The following TAF8 variants were observed in gnomAD, a reference collection of about 807,000 sequenced individuals.
TAF8 encodes the protein TATA-box binding protein associated factor 8, also known as transcription initiation factor TFIID subunit 8.
Under a neutral mutation model 36.5 loss-of-function variants are expected in TAF8, and 47 were observed. That is an observed-to-expected ratio of 1.29 (90% CI 1.02 to 1.64). The LOEUF (loss-of-function observed/expected upper bound fraction) is 1.64, where lower values mean the gene tolerates loss of function less well. TAF8 is among the 40% of genes most tolerant of loss of function. The pLI, the probability that TAF8 is intolerant of heterozygous loss-of-function variation, is 0.00. For missense variants in TAF8, 420 were observed against 407.6 expected, an observed-to-expected ratio of 1.03 and a Z score of -0.26; for synonymous variants, 175 against 159.5, an observed-to-expected ratio of 1.10 and a Z score of -0.73.
intron 7 of TAF8, among the ~76,000 whole-genome samples, chr6:42,071,626 G>A (rs142616248): frequency 0.012 from 1,803 of 151,640 alleles, 40 homozygotes; most frequent in African/African-American, 0.039. Flanking sequence ...ACCCGGCCTG[G>A]ATATACTTTT....
Position 42,082,432 on chromosome 6 carries a change from G to A in TAF8, c.*4887G>A, listed in dbSNP as rs6919008. On this transcript the variant is annotated 3_prime_UTR_variant, in exon 9 of 9. Coordinates refer to ENST00000372977, the MANE Select transcript of TAF8 (RefSeq NM_138572.3). ...GCTCACTGCAACTCCTCCACCTCCC[G>A]GGTTCAAGAGATTCTCCTGCCTCAG... 58,355 of 152,174 alleles carry A rather than the reference G, an allele frequency of 0.38. 12,913 individuals carry two copies. Among genetic ancestry groups the A allele is most frequent in the Admixed American group, 0.48 (7,263 of 15,258 alleles). The allele number at this position is 152,174 out of a possible 1,614,324, so 9.4% of individuals were successfully genotyped here.
At chr6:42,072,015 G>A (rs1765596098) in intron 7 of TAF8, among the ~76,000 whole-genome samples, 1 of 152,192 alleles carries the variant, frequency 6.6e-6, no homozygotes, top group Non-Finnish European at 1.5e-5. Context: ...AGTCAGACTT[G>A]CCTAGCTTCA....
rs1219862454 is a variant in TAF8 at position 42,080,802 on chromosome 6, T to A, written c.*3257T>A. On this transcript the variant is annotated 3_prime_UTR_variant, in exon 9 of 9. Transcript: ENST00000372977. ...TGTATTTATAAATTTCTATTTTTTATAACTTTATGGGACTTCTTAGAGGCC... is the reference window on the plus strand; with the variant it reads ...TGTATTTATAAATTTCTATTTTTTAAAACTTTATGGGACTTCTTAGAGGCC... 2 of 979,820 alleles carry A rather than the reference T, an allele frequency of 2.0e-6. No homozygotes were observed. The highest frequency in any genetic ancestry group is 2.4e-6 in the Non-Finnish European group (2 of 824,916). The allele number at this position is 979,820 out of a possible 1,614,324, so 60.7% of individuals were successfully genotyped here.
At chr6:42,056,794 C>T (rs553190294) in intron 4 of TAF8, among the ~76,000 whole-genome samples, 46 of 152,206 alleles carry the variant, frequency 3.0e-4, no homozygotes, top group African/African-American at 7.2e-4. Flanking sequence ...TTAGTAGAGA[C>T]AGGGTTTTAC....
At chr6:42,065,380 C>T (rs1050977362) in intron 5 of TAF8, among the ~76,000 whole-genome samples, 3 of 152,002 alleles carry the variant, frequency 2.0e-5, no homozygotes, top group African/African-American at 7.2e-5. Context: ...AAAGTTTTGG[C>T]TCATTTCTCA....
intron 6 of TAF8, 126 bp downstream of exon 6, chr6:42,066,585 C>A: frequency 1.8e-6 from 2 of 1,120,464 alleles, no homozygotes; most frequent in Non-Finnish European, 2.5e-6. Context: ...GCTTGCCTCT[C>A]AGATTTCTGG....
chr6:42,064,733 G>A (rs1408669995), intron 5 of TAF8, among the ~76,000 whole-genome samples: 1 of 151,742 alleles, frequency 6.6e-6, no homozygotes, highest in Admixed American at 6.6e-5. Flanking sequence ...TGAGGCGGGT[G>A]GATCACAAGG....
intron 5 of TAF8, among the ~76,000 whole-genome samples, chr6:42,066,055 C>T (rs1765350384): frequency 6.6e-6 from 1 of 152,158 alleles, no homozygotes; most frequent in Non-Finnish European, 1.5e-5. Context: ...TGCCCACCAC[C>T]ACACCCAGCT....
downstream of TAF8, chr6:42,086,675 A>G: frequency 6.5e-7 from 1 of 1,550,016 alleles, no homozygotes; most frequent in Non-Finnish European, 8.7e-7. Flanking sequence ...CTGACAATCC[A>G]AATAGAATGA....
At chr6:42,062,940 T>A (rs1160175696) in intron 5 of TAF8, among the ~76,000 whole-genome samples, 1 of 152,174 alleles carries the variant, frequency 6.6e-6, no homozygotes, top group Non-Finnish European at 1.5e-5. Context: ...TCTCTATCTC[T>A]GTCTTCCTGT....
At chr6:42,052,384 C>T (rs1764826927) in intron 2 of TAF8, among the ~76,000 whole-genome samples, 1 of 145,032 alleles carries the variant, frequency 6.9e-6, no homozygotes. Flanking sequence ...TGCAGTGGCA[C>T]AATCTCAGCT....
At chr6:42,071,685 C>T (rs989624715) in intron 7 of TAF8, among the ~76,000 whole-genome samples, 2 of 151,564 alleles carry the variant, frequency 1.3e-5, no homozygotes, top group Non-Finnish European at 2.9e-5. Flanking sequence ...GGCTGGGAGA[C>T]CATGGCTTTA....
At chr6:42,057,594 T>A (rs1482169680) in intron 5 of TAF8, 81 bp downstream of exon 5, 1 of 1,558,692 alleles carries the variant, frequency 6.4e-7, no homozygotes, top group South Asian at 1.2e-5. Context: ...CAGAGTCCAG[T>A]CCAAAAGCTT....
At chr6:42,059,456 G>A (rs1005963107) in intron 5 of TAF8, among the ~76,000 whole-genome samples, 1 of 151,916 alleles carries the variant, frequency 6.6e-6, no homozygotes, top group Admixed American at 6.6e-5. Context: ...CTGGGTGGGG[G>A]CCACAAGATC....
downstream of TAF8, among the ~76,000 whole-genome samples, chr6:42,083,936 C>T (rs74881727): frequency 2.0e-5 from 3 of 152,254 alleles, no homozygotes; most frequent in East Asian, 3.9e-4. Flanking sequence ...AATCCCAGCA[C>T]TTTGGGAGGC....
In TAF8 at chr6:42,069,604, T is replaced by C. The variant is rs77476092; in HGVS notation, c.780+997T>C. Among the ~76,000 whole-genome samples, 643 of 152,210 alleles carry C rather than the reference T, an allele frequency of 4.2e-3. 31 individuals are homozygous for C. In the East Asian group the frequency reaches 0.096, roughly 23 times the overall value. On this transcript the variant is annotated intron_variant, in intron 7 of 8. Coordinates refer to ENST00000372977, the MANE Select transcript of TAF8 (RefSeq NM_138572.3). ...GTGTGTGGGGGAAGTCAGGAGTTGA[T>C]GTTCGTGTCTTAAACATAGATGTGT... is the stretch of plus-strand genomic sequence containing the variant.
chr6:42,075,435 G>A (rs545563121), intron 7 of TAF8, among the ~76,000 whole-genome samples: 1 of 152,366 alleles, frequency 6.6e-6, no homozygotes, highest in Non-Finnish European at 1.5e-5. Flanking sequence ...ATAGGACAGG[G>A]AGAGGGCACG....
At chr6:42,063,374 G>C (rs766796781) in intron 5 of TAF8, 3 of 152,122 alleles carry the variant, frequency 2.0e-5, no homozygotes, top group African/African-American at 4.8e-5. Context: ...TGTTGCCCAG[G>C]CTGGTCTCAA....
intron 5 of TAF8, among the ~76,000 whole-genome samples, chr6:42,058,452 G>A (rs4714560): frequency 0.19 from 29,503 of 152,172 alleles, 3,378 homozygotes; most frequent in South Asian, 0.29. Context: ...GTCTGAATGA[G>A]GAGAAGATGA....
Sources: gnomAD v4.1 joint callset for allele counts (sites outside exome capture counted in the v4.1 genomes callset) on GRCh38, gnomAD v4.1.1 for gene constraint, MANE v1.5 for transcripts, NCBI Gene and HGNC (gene_info 2026-07-23, HGNC 2026-07-21) for gene names.